Variants in POU2F1 observed in about 807,000 individuals in gnomAD.
The protein encoded by POU2F1 is POU domain, class 2, transcription factor 1.
Under a neutral mutation model 84.9 loss-of-function variants are expected in POU2F1, and 16 were observed. The observed-to-expected ratio is 0.19, with a 90% CI of 0.13 to 0.29. The LOEUF is 0.29. POU2F1 is among the 10% of genes least tolerant of loss of function. The pLI is 1.00. For synonymous variants in POU2F1, 368 were observed against 368.3 expected, an observed-to-expected ratio of 1.00 and a Z score of 0.01; for missense variants, 738 against 942.6, an observed-to-expected ratio of 0.78 and a Z score of 2.84.
At chr1:167,408,146 A>C (rs1041685046) in intron 13 of POU2F1, among the ~76,000 whole-genome samples, 2 of 152,176 alleles carry the variant, frequency 1.3e-5, no homozygotes, top group Non-Finnish European at 2.9e-5. Context: ...CATTAGCATT[A>C]CTCATTAGGG....
At chr1:167,330,336 A>G (rs1163233486) in intron 1 of POU2F1, among the ~76,000 whole-genome samples, 1 of 152,190 alleles carries the variant, frequency 6.6e-6, no homozygotes, top group Non-Finnish European at 1.5e-5. Flanking sequence ...ATTCTTATGC[A>G]TAAGGCATGG....
At chr1:167,365,339 T>G in intron 2 of POU2F1, 128 bp from the exon 3 acceptor site, 1 of 570,822 alleles carries the variant, frequency 1.8e-6, no homozygotes, top group Non-Finnish European at 3.0e-6. Context: ...TTTGAATCCC[T>G]TCTCCTTGGA....
At chr1:167,330,145 A>G (rs766263217) in intron 1 of POU2F1, among the ~76,000 whole-genome samples, 7 of 152,082 alleles carry the variant, frequency 4.6e-5, no homozygotes, top group Non-Finnish European at 7.4e-5. Context: ...TTTTTTAGTT[A>G]CTCTAGTCAC....
intron 9 of POU2F1, among the ~76,000 whole-genome samples, chr1:167,392,302 A>C (rs997753985): frequency 5.3e-5 from 8 of 151,812 alleles, no homozygotes; most frequent in Admixed American, 3.9e-4. Flanking sequence ...CAGTGAGCCA[A>C]GATCACGCCA....
rs774475632 is a variant in POU2F1 at position 167,389,658 on chromosome 1, A to G, written c.884A>G (p.Lys295Arg). The part of the protein sequence containing the change: ...QTLPQSQSTP[K>R]RIDTPSLEEP... ...CTTCCACAGAGCCAGTCAACACCAAAGCGAATTGATACTCCCAGCTTGGAG... is the reference window on the plus strand; with the variant it reads ...CTTCCACAGAGCCAGTCAACACCAAGGCGAATTGATACTCCCAGCTTGGAG... Residue 295 changes from lysine to arginine, a missense_variant, in exon 9 of 16, where the codon AAG (lysine) becomes AGG (arginine). By Grantham distance (26) the Lys-to-Arg change is conservative. Transcript: ENST00000367866. 3 of 1,614,092 alleles carry G rather than the reference A, an allele frequency of 1.9e-6. No homozygotes were observed. Among genetic ancestry groups the G allele is most frequent in the Non-Finnish European group, 8.5e-7 (1 of 1,180,050 alleles).
intron 12 of POU2F1, among the ~76,000 whole-genome samples, chr1:167,400,660 C>T (rs1045550700): frequency 5.9e-5 from 9 of 152,190 alleles, no homozygotes; most frequent in East Asian, 5.8e-4. Flanking sequence ...ATACAGTGGT[C>T]GTATGACTCC....
intron 1 of POU2F1, among the ~76,000 whole-genome samples, chr1:167,238,005 C>T (rs1649631990): frequency 6.6e-6 from 1 of 151,698 alleles, no homozygotes; most frequent in Non-Finnish European, 1.5e-5. Context: ...TGGTCTCTAA[C>T]TCCTGACCTG....
At chr1:167,336,714 T>C (rs947294627) in intron 2 of POU2F1, among the ~76,000 whole-genome samples, 1 of 152,186 alleles carries the variant, frequency 6.6e-6, no homozygotes. Context: ...TTGAACTTTT[T>C]GCTAAATACC....
chr1:167,247,435 C>T (rs535560484), intron 1 of POU2F1, among the ~76,000 whole-genome samples: 4 of 152,240 alleles, frequency 2.6e-5, no homozygotes, highest in African/African-American at 9.6e-5. Context: ...TCTAAAATGG[C>T]ATATATTCTA....
At chr1:167,368,951 G>A (rs1317777647) in intron 3 of POU2F1, among the ~76,000 whole-genome samples, 2 of 152,094 alleles carry the variant, frequency 1.3e-5, no homozygotes, top group Admixed American at 1.3e-4. Context: ...TTGAACCCTG[G>A]AATAATGCAT....
At chr1:167,228,431 G>A (rs1400903135) in intron 1 of POU2F1, among the ~76,000 whole-genome samples, 1 of 152,196 alleles carries the variant, frequency 6.6e-6, no homozygotes, top group Non-Finnish European at 1.5e-5. Flanking sequence ...GAGACTTCCA[G>A]TCTAATTTAT....
intron 1 of POU2F1, among the ~76,000 whole-genome samples, chr1:167,310,969 A>C (rs1312376378): frequency 6.6e-6 from 1 of 152,154 alleles, no homozygotes. Context: ...AAAGAGAACA[A>C]ATAATCAGTG....
chr1:167,378,516 C>G (rs1036805545), intron 7 of POU2F1, among the ~76,000 whole-genome samples: 1 of 151,598 alleles, frequency 6.6e-6, no homozygotes, highest in African/African-American at 2.4e-5. Context: ...AAGCGATTCT[C>G]CTGTCTCAGC....
chr1:167,267,940 C>A (rs1479030473), intron 1 of POU2F1, among the ~76,000 whole-genome samples: 1 of 151,982 alleles, frequency 6.6e-6, no homozygotes. Flanking sequence ...CGTGCCCGGC[C>A]TACTGTGTCT....
intron 5 of POU2F1, 92 bp downstream of exon 5, chr1:167,372,128 T>A (rs1050227187): frequency 6.2e-6 from 9 of 1,463,044 alleles, no homozygotes; most frequent in Non-Finnish European, 8.3e-6. Context: ...CCATAGCTGG[T>A]AGTAACATGG....
In POU2F1 at chr1:167,403,817, G is replaced by A. The variant is rs139514509; in HGVS notation, c.1555+2261G>A. Among the ~76,000 whole-genome samples the A allele has an allele frequency of 3.3e-3, 506 of 152,252 alleles. 17 individuals are homozygous for A. Among genetic ancestry groups the A allele is most frequent in the East Asian group, 3.1e-3 (16 of 5,184 alleles). On this transcript the variant is annotated intron_variant, in intron 13 of 15. Transcript: ENST00000367866. ...TTTGATTCCTTTTTGTCTGGAGCAC[G>A]TTCTCAAGTAATTTTATTTAGAAAG...
chr1:167,361,034 T>C (rs1448055027), intron 2 of POU2F1, among the ~76,000 whole-genome samples: 2 of 152,220 alleles, frequency 1.3e-5, no homozygotes, highest in Non-Finnish European at 2.9e-5. Flanking sequence ...ACGTTATTCA[T>C]GTATAGGAAT....
At chr1:167,273,783 A>G (rs2102476338) in intron 1 of POU2F1, among the ~76,000 whole-genome samples, 1 of 152,352 alleles carries the variant, frequency 6.6e-6, no homozygotes, top group Non-Finnish European at 1.5e-5. Flanking sequence ...TATGGACAAG[A>G]ACTTGAACTT....
At chr1:167,345,234 G>A (rs1658112972) in intron 2 of POU2F1, among the ~76,000 whole-genome samples, 1 of 152,150 alleles carries the variant, frequency 6.6e-6, no homozygotes, top group Non-Finnish European at 1.5e-5. Context: ...GGGAGGTGTT[G>A]GGTTTCAGAG....
Sources: gnomAD v4.1 joint callset for allele counts (sites outside exome capture counted in the v4.1 genomes callset) on GRCh38, gnomAD v4.1.1 for gene constraint, MANE v1.5 for transcripts, NCBI Gene and HGNC (gene_info 2026-07-23, HGNC 2026-07-21) for gene names.